Variants in RBFOX1 observed in about 807,000 individuals in gnomAD.
RBFOX1 encodes the protein RNA binding protein fox-1 homolog 1.
Under a neutral mutation model 57.7 loss-of-function variants are expected in RBFOX1, and 8 were observed. The observed-to-expected ratio is 0.14, with a 90% CI of 0.08 to 0.25. RBFOX1 has a LOEUF of 0.25. Among genes scored for constraint, RBFOX1 ranks in the 10% least tolerant of loss-of-function variants. The probability of loss-of-function intolerance (pLI) is 1.00; values close to 1 mark genes in which losing one functional copy is unlikely to be tolerated. For missense variants in RBFOX1, 611 were observed against 548.5 expected, an observed-to-expected ratio of 1.11 and a Z score of -1.14; for synonymous variants, 326 against 222.4, an observed-to-expected ratio of 1.47 and a Z score of -4.15.
intron 3 of RBFOX1, among the ~76,000 whole-genome samples, chr16:5,750,531 A>G (rs1261882526): frequency 6.6e-6 from 1 of 152,152 alleles, no homozygotes; most frequent in Non-Finnish European, 1.5e-5. Flanking sequence ...GGAGCTTCCC[A>G]TCTGCTTTGT....
At position 6,139,673 on chromosome 16, in the gene RBFOX1, C is replaced by G. The variant is rs138400464; in HGVS notation, c.-127+119681C>G. On this transcript the variant is annotated intron_variant, in intron 1 of 15. Transcript: ENST00000550418. ...GTGATTGTCCATGAATATAGATTGG[C>G]TTGGCCATGCCATCTTTTCTCTACT... Among the ~76,000 whole-genome samples, 99 of 152,334 alleles carry G rather than the reference C, an allele frequency of 6.5e-4. No individual in the cohort carries two copies. The East Asian group carries it at 0.017, about 27-fold the overall frequency.
rs1340593178 is a variant in RBFOX1 at position 5,348,014 on chromosome 16, TC to T, written c.219+107915del. 5.2e-5 allele frequency among the ~76,000 whole-genome samples: 6 copies of T among 116,260 alleles called. No homozygotes were observed. The Admixed American group carries it at 5.4e-4, about 10-fold the overall frequency. The allele number at this position is 116,260 out of a possible 152,430, so 76.3% of individuals were successfully genotyped here. A position where few individuals can be genotyped will look rare whatever the true frequency, so the allele number is the denominator to read the frequency against. On this transcript the variant is annotated intron_variant, in intron 1 of 2. Transcript: ENST00000585867. ...ACCTGCCCATCCATCCATCCATCCA[TC>T]CCCCCACCTACCCACCCATCAACCC...
intron 2 of RBFOX1, among the ~76,000 whole-genome samples, chr16:6,405,417 C>T (rs1454899747): frequency 6.6e-6 from 1 of 152,162 alleles, no homozygotes; most frequent in Non-Finnish European, 1.5e-5. Flanking sequence ...CCAAATAGTG[C>T]CTCAGGGACT....
At chr16:6,599,354 A>G (rs935949220) in intron 2 of RBFOX1, among the ~76,000 whole-genome samples, 3 of 152,136 alleles carry the variant, frequency 2.0e-5, no homozygotes, top group Non-Finnish European at 4.4e-5. Context: ...TTTTGGGGAA[A>G]TTGTGACCTG....
intron 1 of RBFOX1, among the ~76,000 whole-genome samples, chr16:6,085,924 C>G (rs1036729412): frequency 2.6e-5 from 4 of 152,088 alleles, no homozygotes; most frequent in African/African-American, 9.7e-5. Context: ...TAACCCGTCA[C>G]CTAGGCATTA....
chr16:6,497,884 G>C (rs1009474827), intron 2 of RBFOX1, among the ~76,000 whole-genome samples: 1 of 152,044 alleles, frequency 6.6e-6, no homozygotes, highest in East Asian at 1.9e-4. Flanking sequence ...GTGTGAGAAA[G>C]TGCCTAAAAG....
chr16:7,558,361 G>T (rs1601775863), intron 5 of RBFOX1, among the ~76,000 whole-genome samples: 1 of 151,438 alleles, frequency 6.6e-6, no homozygotes, highest in Non-Finnish European at 1.5e-5. Context: ...CTCAAAATAA[G>T]ACATACATAT....
chr16:7,237,146 G>A (rs1464880940), intron 4 of RBFOX1, among the ~76,000 whole-genome samples: 2 of 152,204 alleles, frequency 1.3e-5, no homozygotes, highest in Non-Finnish European at 2.9e-5. Context: ...CAACCCAAAT[G>A]TCATTGGGAT....
intron 2 of RBFOX1, among the ~76,000 whole-genome samples, chr16:5,522,797 TC>T (rs1321808158): frequency 6.6e-6 from 1 of 152,212 alleles, no homozygotes; most frequent in African/African-American, 2.4e-5. Flanking sequence ...GTCACGTTTG[TC>T]TTTCTGTGCC....
chr16:7,415,019 A>G (rs2080022152), intron 4 of RBFOX1, among the ~76,000 whole-genome samples: 1 of 152,260 alleles, frequency 6.6e-6, no homozygotes, highest in Non-Finnish European at 1.5e-5. Flanking sequence ...CACATAGTGA[A>G]TGGCCAAAGA....
chr16:7,641,840 C>T (rs1374655873), intron 11 of RBFOX1, among the ~76,000 whole-genome samples: 3 of 152,192 alleles, frequency 2.0e-5, no homozygotes, highest in Non-Finnish European at 2.9e-5. Context: ...CCTACCTACC[C>T]ATGAGCACTA....
chr16:6,844,368 C>G (rs1335245063), intron 3 of RBFOX1, among the ~76,000 whole-genome samples: 2 of 152,086 alleles, frequency 1.3e-5, no homozygotes, highest in Non-Finnish European at 2.9e-5. Context: ...CTCAGCAGAT[C>G]CCCACGCCCA....
rs192583514 is a variant in RBFOX1, at chr16:7,058,792, G to A, written c.27+6694G>A. ...TACCGTGGCAATACAAAGTTTCCTT[G>A]GCACACATCGTATTTTATGTTCCAT... is the stretch of plus-strand genomic sequence containing the variant. On this transcript the variant is annotated intron_variant, in intron 4 of 15. Coordinates refer to ENST00000550418, the MANE Select transcript of RBFOX1 (RefSeq NM_018723.4). Among the ~76,000 whole-genome samples, 4 of 152,070 alleles carry A rather than the reference G, an allele frequency of 2.6e-5. No homozygotes were observed. The East Asian group carries it at 5.8e-4, about 22-fold the overall frequency.
chr16:6,800,659 A>T (rs1207672800), intron 3 of RBFOX1, among the ~76,000 whole-genome samples: 1 of 151,968 alleles, frequency 6.6e-6, no homozygotes, highest in Admixed American at 6.6e-5. Context: ...TCTCTCCCTA[A>T]AATTTTTGCC....
chr16:7,491,224 CT>C (rs1361172116), intron 4 of RBFOX1, among the ~76,000 whole-genome samples: 4 of 152,058 alleles, frequency 2.6e-5, no homozygotes, highest in Non-Finnish European at 4.4e-5. Context: ...TGCCACATCC[CT>C]TTTTCTTGGG....
chr16:7,671,749 T>TC, intron 13 of RBFOX1: 1 of 725,410 alleles, frequency 1.4e-6, no homozygotes, highest in Non-Finnish European at 2.4e-6. Context: ...ATATGAAATC[T>TC]CCTAGAATAG....
At chr16:7,334,532 T>G (rs1390591548) in intron 4 of RBFOX1, among the ~76,000 whole-genome samples, 1 of 152,192 alleles carries the variant, frequency 6.6e-6, no homozygotes, top group Non-Finnish European at 1.5e-5. Flanking sequence ...CTATGCTGAT[T>G]GATGCTGAAA....
chr16:5,911,587 G>A (rs1204488298), intron 4 of RBFOX1, among the ~76,000 whole-genome samples: 2 of 152,180 alleles, frequency 1.3e-5, no homozygotes, highest in East Asian at 1.9e-4. Context: ...AGCTTCTGAC[G>A]GGGGGTGCGG....
chr16:5,287,361 G>T (rs1460700886), intron 1 of RBFOX1, among the ~76,000 whole-genome samples: 1 of 152,016 alleles, frequency 6.6e-6, no homozygotes, highest in African/African-American at 2.4e-5. Flanking sequence ...TGAATTTCTG[G>T]GTAGGTAACT....
Sources: allele counts gnomAD v4.1 joint callset (sites outside exome capture counted in the v4.1 genomes callset), GRCh38; gene constraint gnomAD v4.1.1; transcripts MANE v1.5; gene names NCBI Gene and HGNC (gene_info 2026-07-23, HGNC 2026-07-21).